PLAC1: variants seen among roughly 807,000 people sequenced by gnomAD.
The protein encoded by PLAC1 is placenta-specific protein 1.
For synonymous variants in PLAC1, 68 were observed against 62.1 expected, an observed-to-expected ratio of 1.09 and a Z score of -0.44; for missense variants, 136 against 163.2, an observed-to-expected ratio of 0.83 and a Z score of 0.91.
At chrX:134,664,397 C>T (rs1001283354) in intron 2 of PLAC1, among the ~76,000 whole-genome samples, 5 of 112,178 alleles carry the variant, frequency 4.5e-5, no homozygotes, top group Non-Finnish European at 9.4e-5. Context: ...ACTTTGACAG[C>T]TTGTGGTCAT....
chrX:134,645,797 C>T (rs1488914015), intron 1 of PLAC1, among the ~76,000 whole-genome samples: 2 of 111,842 alleles, frequency 1.8e-5, no homozygotes, highest in Non-Finnish European at 3.8e-5. Context: ...CCCATTCAAG[C>T]GTGAGTTTTT....
chrX:134,683,556 C>A (rs748038783), intron 2 of PLAC1, among the ~76,000 whole-genome samples: 10 of 111,805 alleles, frequency 8.9e-5, no homozygotes, highest in African/African-American at 2.9e-4. Flanking sequence ...TTATCTTTCT[C>A]TGCTTCCCAT....
intron 2 of PLAC1, among the ~76,000 whole-genome samples, chrX:134,707,541 C>A (rs1352745727): frequency 8.9e-6 from 1 of 111,795 alleles, no homozygotes; most frequent in East Asian, 2.8e-4. Context: ...TCGAAGTGTT[C>A]TCATTGTTCA....
intron 1 of PLAC1, among the ~76,000 whole-genome samples, chrX:134,750,440 G>T (rs771317871): frequency 9.1e-6 from 1 of 109,852 alleles, no homozygotes; most frequent in Non-Finnish European, 1.9e-5. Flanking sequence ...TTGACAATTC[G>T]GTTGCTGAAA....
At chrX:134,656,605 G>C (rs1315827655) in intron 1 of PLAC1, among the ~76,000 whole-genome samples, 2 of 111,000 alleles carry the variant, frequency 1.8e-5, no homozygotes, top group Admixed American at 1.9e-4. Context: ...TCTTTTTTGA[G>C]ATGCGGTTGT....
chrX:134,657,814 T>C (rs985826036), intron 1 of PLAC1, among the ~76,000 whole-genome samples: 3 of 110,314 alleles, frequency 2.7e-5, no homozygotes, highest in Admixed American at 1.9e-4. Flanking sequence ...TCTGGGTTAA[T>C]AGGAACACAC....
chrX:134,623,138 T>C (rs948120477), intron 1 of PLAC1, among the ~76,000 whole-genome samples: 10 of 112,399 alleles, frequency 8.9e-5, no homozygotes, highest in African/African-American at 2.9e-4. Flanking sequence ...ATGAGCACAC[T>C]TTCCCTCTCG....
At chrX:134,569,739 AGTGTGTGTGTGTGTGTGTGT>A (rs749953575) in intron 2 of PLAC1, among the ~76,000 whole-genome samples, 23 of 72,168 alleles carry the variant, frequency 3.2e-4, no homozygotes, top group African/African-American at 9.9e-4. Flanking sequence ...AGGGTAGAGT[AGTGTGTGTGTGTGTGTGTGT>A]GTGTGTGTGT....
At position 134,752,123 on chromosome X, in the gene PLAC1, T is replaced by G. The variant is rs369861685; in HGVS notation, n.89+12111A>C. Among the ~76,000 whole-genome samples the G allele has an allele frequency of 2.7e-5, 3 of 112,261 alleles. No individual in the cohort carries two copies. The East Asian group carries it at 8.4e-4, about 31-fold the overall frequency. Reference sequence around the variant, plus strand: ...AACAAAGGCTGCAAGATGAAAGACATGGGATGGCTCTGGCTAAAGGAACTT... The same window carrying G: ...AACAAAGGCTGCAAGATGAAAGACAGGGGATGGCTCTGGCTAAAGGAACTT... On this transcript the variant is annotated intron_variant and non_coding_transcript_variant, in intron 1 of 2. Transcript: ENST00000466797.
At chrX:134,643,004 C>A (rs1381481773) in intron 1 of PLAC1, among the ~76,000 whole-genome samples, 1 of 109,374 alleles carries the variant, frequency 9.1e-6, no homozygotes, top group Non-Finnish European at 1.9e-5. Flanking sequence ...TATTAAAAAT[C>A]AGATATGAAG....
intron 2 of PLAC1, among the ~76,000 whole-genome samples, chrX:134,577,380 C>T (rs1602791237): frequency 9.0e-6 from 1 of 111,714 alleles, no homozygotes; most frequent in African/African-American, 3.3e-5. Flanking sequence ...TCCTGTCCTA[C>T]GTCAGAGGCT....
upstream of PLAC1, among the ~76,000 whole-genome samples, chrX:134,660,456 T>C (rs1280394743): frequency 1.8e-5 from 2 of 111,496 alleles, no homozygotes; most frequent in Non-Finnish European, 3.8e-5. Flanking sequence ...ATAGAATAGT[T>C]TGAAAAATAC....
intron 2 of PLAC1, among the ~76,000 whole-genome samples, chrX:134,685,349 G>A (rs1418216146): frequency 9.1e-6 from 1 of 109,693 alleles, no homozygotes; most frequent in Non-Finnish European, 1.9e-5. Context: ...GCTTAGGTTA[G>A]CTCCAAAAAT....
At chrX:134,683,575 A>G (rs1196597141) in intron 2 of PLAC1, among the ~76,000 whole-genome samples, 2 of 111,702 alleles carry the variant, frequency 1.8e-5, no homozygotes, top group East Asian at 5.6e-4. Flanking sequence ...ATCACAGGCT[A>G]ATTCGGCCCA....
chrX:134,752,069 G>C lies in PLAC1; in HGVS notation n.89+12165C>G, dbSNP rs1371504688. Among the ~76,000 whole-genome samples the C allele has an allele frequency of 2.7e-5, 3 of 112,042 alleles. No homozygotes were observed. The Admixed American group carries it at 2.8e-4, about 11-fold the overall frequency. On this transcript the variant is annotated intron_variant and non_coding_transcript_variant, in intron 1 of 2. Coordinates refer to the PLAC1 transcript ENST00000466797. ...ACATTGTGAGGAGATTTCTGGGCTT[G>C]TGAAGAGTTAGGGACTCAAGGGGGC...
At chrX:134,618,562 T>A (rs917301215) in intron 1 of PLAC1, among the ~76,000 whole-genome samples, 2 of 111,608 alleles carry the variant, frequency 1.8e-5, no homozygotes, top group African/African-American at 3.3e-5. Flanking sequence ...TGCACCACCA[T>A]GCCTGGCTAA....
At chrX:134,613,570 C>T (rs2078164453) in intron 1 of PLAC1, among the ~76,000 whole-genome samples, 2 of 111,250 alleles carry the variant, frequency 1.8e-5, no homozygotes, top group African/African-American at 6.5e-5. Flanking sequence ...CCTTTGCAAG[C>T]TGTCTTGCCT....
At chrX:134,628,844 G>A (rs1045676470) in intron 1 of PLAC1, among the ~76,000 whole-genome samples, 1 of 111,638 alleles carries the variant, frequency 9.0e-6, no homozygotes, top group Non-Finnish European at 1.9e-5. Flanking sequence ...GAGAATGTTG[G>A]ATCATAGTTT....
intron 1 of PLAC1, among the ~76,000 whole-genome samples, chrX:134,624,329 C>T (rs899001482): frequency 1.8e-5 from 2 of 111,920 alleles, no homozygotes; most frequent in South Asian, 3.8e-4. Flanking sequence ...CATGGCTAAA[C>T]GGTAATGTTC....
Sources: gnomAD v4.1 joint callset for allele counts (sites outside exome capture counted in the v4.1 genomes callset) on GRCh38, gnomAD v4.1.1 for gene constraint, MANE v1.5 for transcripts, NCBI Gene and HGNC (gene_info 2026-07-23, HGNC 2026-07-21) for gene names.